Variants in TMEM117 observed in about 807,000 individuals in gnomAD.
The protein encoded by TMEM117 is transmembrane protein 117.
A neutral mutation model predicts 52.4 loss-of-function variants in TMEM117; 27 were observed. That is an observed-to-expected ratio of 0.51 (90% CI 0.38 to 0.71). The LOEUF is 0.71. TMEM117 is among the 30% of genes least tolerant of loss of function. TMEM117 has a pLI of 0.00. For missense variants in TMEM117, 556 were observed against 630.5 expected, an observed-to-expected ratio of 0.88 and a Z score of 1.26; for synonymous variants, 215 against 206.3, an observed-to-expected ratio of 1.04 and a Z score of -0.36.
intron 2 of TMEM117, among the ~76,000 whole-genome samples, chr12:43,932,872 G>A (rs565640392): frequency 2.0e-5 from 3 of 152,268 alleles, no homozygotes; most frequent in South Asian, 2.1e-4. Flanking sequence ...GTGGAAAGTC[G>A]TGAATGAAAA....
downstream of TMEM117, among the ~76,000 whole-genome samples, chr12:44,394,463 G>T (rs1470415509): frequency 6.6e-6 from 1 of 152,168 alleles, no homozygotes; most frequent in African/African-American, 2.4e-5. Flanking sequence ...CCTGTTGGTT[G>T]CTTTGAACTC....
chr12:44,105,156 A>AT (rs894767617), intron 3 of TMEM117, among the ~76,000 whole-genome samples: 1 of 150,650 alleles, frequency 6.6e-6, no homozygotes, highest in Non-Finnish European at 1.5e-5. Context: ...GTTCTGTTTG[A>AT]TTTTTTTTCA....
intron 3 of TMEM117, among the ~76,000 whole-genome samples, chr12:44,032,457 T>C (rs1335120359): frequency 6.6e-6 from 1 of 152,138 alleles, no homozygotes; most frequent in Non-Finnish European, 1.5e-5. Context: ...GAGAGATGGG[T>C]AATGTAAAAA....
At chr12:43,846,053 C>A (rs1565716345) in intron 2 of TMEM117, among the ~76,000 whole-genome samples, 4 of 152,020 alleles carry the variant, frequency 2.6e-5, no homozygotes, top group Non-Finnish European at 5.9e-5. Flanking sequence ...ATATTTTACA[C>A]ATATTGTTCA....
At chr12:43,987,622 A>T (rs752701343) in intron 3 of TMEM117, among the ~76,000 whole-genome samples, 35 of 152,032 alleles carry the variant, frequency 2.3e-4, no homozygotes, top group Non-Finnish European at 4.9e-4. Context: ...AATGGACAAA[A>T]AATTGAGTAT....
intron 3 of TMEM117, among the ~76,000 whole-genome samples, chr12:43,977,889 G>T (rs1945698066): frequency 6.6e-6 from 1 of 152,196 alleles, no homozygotes; most frequent in Non-Finnish European, 1.5e-5. Context: ...GGAAGAGCAT[G>T]TGTGCTAATT....
chr12:43,826,605 T>C, the TMEM117 span, among the ~76,000 whole-genome samples: 1 of 152,206 alleles, frequency 6.6e-6, no homozygotes, highest in East Asian at 1.9e-4. Flanking sequence ...TAAATTGGGT[T>C]GCTGCCTACC....
chr12:43,906,180 A>C (rs1267251768), intron 2 of TMEM117, among the ~76,000 whole-genome samples: 3 of 152,194 alleles, frequency 2.0e-5, no homozygotes, highest in Non-Finnish European at 4.4e-5. Flanking sequence ...TGGCAGAATG[A>C]TACCTAGTGC....
chr12:43,830,023 C>T, the TMEM117 span, among the ~76,000 whole-genome samples: 3 of 145,034 alleles, frequency 2.1e-5, no homozygotes, highest in Admixed American at 1.4e-4. Flanking sequence ...GGGAGGCGGA[C>T]GTTGCAGTGA....
At chr12:43,883,544 C>A (rs561585295) in intron 2 of TMEM117, among the ~76,000 whole-genome samples, 6 of 152,180 alleles carry the variant, frequency 3.9e-5, no homozygotes, top group Admixed American at 2.6e-4. Flanking sequence ...ATTTCCAAAA[C>A]CACTTATTGC....
intron 4 of TMEM117, among the ~76,000 whole-genome samples, chr12:44,174,954 G>A (rs1949098600): frequency 6.6e-6 from 1 of 152,186 alleles, no homozygotes. Context: ...AGTATTTGAA[G>A]ATCCAAAGAG....
intron 3 of TMEM117, among the ~76,000 whole-genome samples, chr12:43,999,072 C>A (rs1200986741): frequency 6.6e-6 from 1 of 152,210 alleles, no homozygotes; most frequent in Non-Finnish European, 1.5e-5. Flanking sequence ...CCCTCATACA[C>A]TGCTATTCGG....
intron 3 of TMEM117, among the ~76,000 whole-genome samples, chr12:44,097,583 G>C (rs1376123006): frequency 6.6e-6 from 1 of 151,888 alleles, no homozygotes; most frequent in African/African-American, 2.4e-5. Context: ...GATGAACTTG[G>C]AAGTCATCAT....
At chr12:44,390,759 A>G (rs1353797954), downstream of TMEM117, among the ~76,000 whole-genome samples, 1 of 152,282 alleles carries the variant, frequency 6.6e-6, no homozygotes, top group East Asian at 1.9e-4. Flanking sequence ...TGAATTGTAT[A>G]TACTGATAGT....
intron 2 of TMEM117, among the ~76,000 whole-genome samples, chr12:43,848,796 C>G (rs772188712): frequency 3.3e-5 from 5 of 152,148 alleles, no homozygotes; most frequent in Admixed American, 3.3e-4. Flanking sequence ...TGATAAATGT[C>G]CATATTAAGA....
chr12:43,870,912 G>A (rs867948801), intron 2 of TMEM117, among the ~76,000 whole-genome samples: 13 of 151,950 alleles, frequency 8.6e-5, no homozygotes, highest in Admixed American at 4.6e-4. Context: ...AGCCTCCCCA[G>A]TAGCTGAGAT....
At chr12:44,220,445 G>A (rs1010768507) in intron 5 of TMEM117, among the ~76,000 whole-genome samples, 3 of 152,120 alleles carry the variant, frequency 2.0e-5, no homozygotes, top group Non-Finnish European at 4.4e-5. Flanking sequence ...ATAGTTACAA[G>A]GATAATTTTA....
intron 3 of TMEM117, among the ~76,000 whole-genome samples, chr12:43,997,331 A>C (rs902766610): frequency 1.3e-5 from 2 of 152,122 alleles, no homozygotes; most frequent in African/African-American, 4.8e-5. Flanking sequence ...TGCTTGTTTT[A>C]GTTTTGTTTC....
the TMEM117 span, among the ~76,000 whole-genome samples, chr12:43,819,548 G>A: frequency 6.6e-6 from 1 of 152,142 alleles, no homozygotes; most frequent in African/African-American, 2.4e-5. Context: ...GTTGAGGCAG[G>A]CGGATCACGA....
Sources: allele counts gnomAD v4.1 joint callset (sites outside exome capture counted in the v4.1 genomes callset), GRCh38; gene constraint gnomAD v4.1.1; transcripts MANE v1.5; gene names NCBI Gene and HGNC (gene_info 2026-07-23, HGNC 2026-07-21).